PLCB1: variants seen among roughly 807,000 people sequenced by gnomAD.
The protein encoded by PLCB1 is 1-phosphatidylinositol 4,5-bisphosphate phosphodiesterase beta-1.
In PLCB1, 46 loss-of-function variants were observed where a neutral mutation model predicts 161.8. The ratio of observed to expected loss-of-function variants is 0.28; its 90% CI spans 0.22 to 0.36. The LOEUF is 0.36. Ranked by LOEUF, PLCB1 falls within the 10% of genes least tolerant of loss-of-function variation. The pLI is 1.00. For missense variants in PLCB1, 1,016 were observed against 1,472.5 expected (o/e 0.69, Z 5.07); for synonymous variants, 517 against 503.7 (o/e 1.03, Z -0.35).
intron 31 of PLCB1, among the ~76,000 whole-genome samples, chr20:8,866,961 A>G (rs1434213542): frequency 6.6e-6 from 1 of 152,220 alleles, no homozygotes; most frequent in Non-Finnish European, 1.5e-5. Context: ...ATCAAAATCA[A>G]TTATCCTGAT....
At chr20:8,299,002 G>T (rs1600296466) in intron 2 of PLCB1, among the ~76,000 whole-genome samples, 1 of 32,456 alleles carries the variant, frequency 3.1e-5, no homozygotes, top group Admixed American at 3.2e-4. Context: ...CAACTTATAG[G>T]TAGGTAGATA....
At chr20:8,577,370 G>A (rs1211807478) in intron 3 of PLCB1, among the ~76,000 whole-genome samples, 1 of 150,554 alleles carries the variant, frequency 6.6e-6, no homozygotes, top group African/African-American at 2.4e-5. Context: ...CCCGGGAGGC[G>A]GAGCTTGCAG....
rs183786993 is a variant in PLCB1 at position 8,666,800 on chromosome 20, G to A, written c.862+8096G>A. ...TGTTTGTTTCTTCTAACAAAGTCTC[G>A]TGAGAAAGGCCAATGTGTAGGGAAA... On this transcript the variant is annotated intron_variant, in intron 9 of 31. Coordinates refer to ENST00000338037, the MANE Select transcript of PLCB1 (RefSeq NM_015192.4). 5.9e-3 allele frequency among the ~76,000 whole-genome samples: 892 copies of A among 152,138 alleles called. 2 individuals are homozygous for A. The highest frequency in any genetic ancestry group is 7.8e-3 in the Non-Finnish European group (533 of 68,028).
intron 3 of PLCB1, among the ~76,000 whole-genome samples, chr20:8,538,913 C>T (rs556428201): frequency 6.6e-6 from 1 of 151,910 alleles, no homozygotes; most frequent in African/African-American, 2.4e-5. Context: ...CCTGCCTCAG[C>T]CTTCTGAGTA....
At chr20:8,325,830 C>T (rs1197925303) in intron 2 of PLCB1, among the ~76,000 whole-genome samples, 1 of 152,124 alleles carries the variant, frequency 6.6e-6, no homozygotes, top group Non-Finnish European at 1.5e-5. Flanking sequence ...CTGGAATATT[C>T]AGGAAGTGCC....
Position 8,821,516 on chromosome 20 carries a change from T to A in PLCB1, c.3423+31255T>A. On this transcript the variant is annotated intron_variant, in intron 31 of 31. Coordinates refer to ENST00000338037, the MANE Select transcript of PLCB1 (RefSeq NM_015192.4). ...AAAAAAATATGTATATATATATATA[T>A]ATATATATATATATATATATATATA... is the stretch of plus-strand genomic sequence containing the variant. Among the ~76,000 whole-genome samples the A allele has an allele frequency of 3.6e-4, 2 of 5,580 alleles. 1 individual carries two copies. The highest frequency in any genetic ancestry group is 7.0e-4 in the Non-Finnish European group (2 of 2,862). 3.7% of individuals were successfully genotyped at this position (5,580 alleles called of 152,430 possible).
chr20:8,543,288 G>T (rs1374897531), intron 3 of PLCB1, among the ~76,000 whole-genome samples: 1 of 152,122 alleles, frequency 6.6e-6, no homozygotes, highest in Non-Finnish European at 1.5e-5. Flanking sequence ...AATGCCCAGG[G>T]CTCTGTGGGT....
intron 3 of PLCB1, among the ~76,000 whole-genome samples, chr20:8,482,367 G>T (rs907282017): frequency 6.6e-6 from 1 of 152,026 alleles, no homozygotes; most frequent in Admixed American, 6.6e-5. Flanking sequence ...CTCCCAAAGT[G>T]GTGGGATTAT....
intron 2 of PLCB1, among the ~76,000 whole-genome samples, chr20:8,309,966 T>A (rs1600304122): frequency 1.3e-5 from 2 of 152,224 alleles, no homozygotes; most frequent in Admixed American, 6.5e-5. Flanking sequence ...TTGATTGGTT[T>A]TCTTAGGTCA....
chr20:8,359,981 G>A (rs1426517068), intron 2 of PLCB1, among the ~76,000 whole-genome samples: 1 of 152,208 alleles, frequency 6.6e-6, no homozygotes, highest in African/African-American at 2.4e-5. Context: ...CAGATGCAAG[G>A]GGTTGTATAC....
At chr20:8,519,474 A>G (rs1984264076) in intron 3 of PLCB1, among the ~76,000 whole-genome samples, 1 of 152,100 alleles carries the variant, frequency 6.6e-6, no homozygotes, top group Non-Finnish European at 1.5e-5. Flanking sequence ...CAAAGCACAG[A>G]ATATCTCCCA....
chr20:8,574,772 C>G (rs1568514096), intron 3 of PLCB1, among the ~76,000 whole-genome samples: 1 of 152,356 alleles, frequency 6.6e-6, no homozygotes, highest in South Asian at 2.1e-4. Flanking sequence ...TTTCTTGAGT[C>G]ATTGGTTGAT....
intron 2 of PLCB1, among the ~76,000 whole-genome samples, chr20:8,349,891 C>A (rs923441006): frequency 1.3e-5 from 2 of 151,524 alleles, no homozygotes; most frequent in African/African-American, 4.9e-5. Flanking sequence ...TAAAAAAGAC[C>A]CAAATGAAAA....
intron 3 of PLCB1, among the ~76,000 whole-genome samples, chr20:8,618,211 G>A (rs1600195540): frequency 6.6e-6 from 1 of 152,030 alleles, no homozygotes; most frequent in East Asian, 1.9e-4. Flanking sequence ...CGAGATTTGA[G>A]AACAAAAGGA....
intron 2 of PLCB1, among the ~76,000 whole-genome samples, chr20:8,315,902 G>A (rs1984625092): frequency 6.6e-6 from 1 of 152,208 alleles, no homozygotes; most frequent in Non-Finnish European, 1.5e-5. Flanking sequence ...ATGGATTTCA[G>A]AGAAAGCTGA....
At chr20:8,802,025 A>G in intron 31 of PLCB1, 2 of 1,291,112 alleles carry the variant, frequency 1.5e-6, no homozygotes, top group Non-Finnish European at 2.3e-6. Flanking sequence ...CATTGCCACA[A>G]AAATGACAGC....
At chr20:8,844,470 T>C (rs1444887976) in intron 31 of PLCB1, among the ~76,000 whole-genome samples, 1 of 152,124 alleles carries the variant, frequency 6.6e-6, no homozygotes, top group Non-Finnish European at 1.5e-5. Context: ...GTAATCCTAA[T>C]GCTTTGGGAG....
At chr20:8,236,735 G>A (rs1171418076) in intron 2 of PLCB1, among the ~76,000 whole-genome samples, 2 of 151,866 alleles carry the variant, frequency 1.3e-5, no homozygotes, top group Non-Finnish European at 2.9e-5. Flanking sequence ...CAAAATAGAT[G>A]ACATTTTAGA....
intron 2 of PLCB1, among the ~76,000 whole-genome samples, chr20:8,281,197 G>T (rs1275382476): frequency 6.6e-6 from 1 of 152,110 alleles, no homozygotes; most frequent in African/African-American, 2.4e-5. Flanking sequence ...GTCATGTTGG[G>T]CATCTATAAA....
Sources: allele counts gnomAD v4.1 joint callset (sites outside exome capture counted in the v4.1 genomes callset), GRCh38; gene constraint gnomAD v4.1.1; transcripts MANE v1.5; gene names NCBI Gene and HGNC (gene_info 2026-07-23, HGNC 2026-07-21).